Variants in ST6GALNAC5 observed in about 807,000 individuals in gnomAD.
ST6GALNAC5 encodes ST6 N-acetylgalactosaminide alpha-2,6-sialyltransferase 5, also known as alpha-N-acetylgalactosaminide alpha-2,6-sialyltransferase 5.
ST6GALNAC5 carries 27 observed loss-of-function variants against 33.6 expected under a neutral mutation model. That is an observed-to-expected ratio of 0.80 (90% confidence interval 0.59 to 1.11). The LOEUF is 1.11. Among genes scored for constraint, ST6GALNAC5 ranks in the 50% least tolerant of loss-of-function variants. The pLI is 0.00. For synonymous variants in ST6GALNAC5, 194 were observed against 171.2 expected (o/e 1.13, Z -1.04); for missense variants, 428 against 454.0 (o/e 0.94, Z 0.52).
At chr1:76,972,956 A>G (rs1648823088) in intron 2 of ST6GALNAC5, among the ~76,000 whole-genome samples, 1 of 152,032 alleles carries the variant, frequency 6.6e-6, no homozygotes, top group South Asian at 2.1e-4. Context: ...GAGATTGTTC[A>G]TCTCTTTTGC....
intron 3 of ST6GALNAC5, 124 bp from the exon 4 acceptor site, chr1:77,050,134 C>T: frequency 4.2e-6 from 3 of 711,182 alleles, no homozygotes; most frequent in Non-Finnish European, 7.3e-6. Flanking sequence ...AGATATTTAC[C>T]AAATGGAGGA....
In ST6GALNAC5 at chr1:77,033,072, C is replaced by T. The variant is rs536673334; in HGVS notation, c.262-11132C>T. 4.2e-4 allele frequency among the ~76,000 whole-genome samples: 64 copies of T among 152,290 alleles called. 1 individual carries two copies. The South Asian group carries it at 8.7e-3, about 21-fold the overall frequency. On this transcript the variant is annotated intron_variant, in intron 2 of 4. Transcript: ENST00000477717. ...TCTTCCTAGAGGAAGTAATTGCATA[C>T]GAGTGACCTTTGAAGGAAATCACAT...
chr1:76,944,753 A>G (rs561758432), intron 2 of ST6GALNAC5, among the ~76,000 whole-genome samples: 13 of 152,240 alleles, frequency 8.5e-5, no homozygotes, highest in Admixed American at 7.2e-4. Flanking sequence ...TTCTGATTTC[A>G]GCATCCAGCC....
intron 2 of ST6GALNAC5, among the ~76,000 whole-genome samples, chr1:76,886,909 T>A (rs1451163242): frequency 2.0e-5 from 3 of 152,246 alleles, no homozygotes; most frequent in African/African-American, 7.2e-5. Flanking sequence ...CTGAATAATA[T>A]TCCATTGTAT....
Position 77,063,218 on chromosome 1 carries a change from GCCAGACTGTAATC to G in ST6GALNAC5, c.*17_*29del, listed in dbSNP as rs1257619736. On this transcript the variant is annotated 3_prime_UTR_variant, in exon 5 of 5. Coordinates refer to ENST00000477717, the MANE Select transcript of ST6GALNAC5 (RefSeq NM_030965.3). The stretch of plus-strand genomic sequence containing the variant: ...AACCTGTGTTCTAAGGAATGAGCAT[GCCAGACTGTAATC>G]CCAGGTATTCACTGCATCAGACACC... 3 of 1,609,766 alleles carry G rather than the reference GCCAGACTGTAATC, an allele frequency of 1.9e-6. No individual in the cohort carries two copies. The highest frequency in any genetic ancestry group is 1.7e-6 in the Non-Finnish European group (2 of 1,176,500).
chr1:77,013,602 G>A (rs891676764), intron 2 of ST6GALNAC5, among the ~76,000 whole-genome samples: 2 of 152,174 alleles, frequency 1.3e-5, no homozygotes, highest in Admixed American at 6.5e-5. Flanking sequence ...CCAGTGTGAG[G>A]AGAAGCCATC....
chr1:77,034,403 C>T (rs1416919404), intron 2 of ST6GALNAC5, among the ~76,000 whole-genome samples: 1 of 152,162 alleles, frequency 6.6e-6, no homozygotes, highest in Non-Finnish European at 1.5e-5. Flanking sequence ...CTCACCCTGA[C>T]TTACATCTCA....
Position 76,914,953 on chromosome 1 carries a change from G to T in ST6GALNAC5, c.261+46211G>T, listed in dbSNP as rs1434911882. ...TTGCAACCTACTCATCTGACAAAGGGCTAATATCCAGAATCTACAATGAAC... is the reference window on the plus strand; with the variant it reads ...TTGCAACCTACTCATCTGACAAAGGTCTAATATCCAGAATCTACAATGAAC... On this transcript the variant is annotated intron_variant, in intron 2 of 4. Coordinates refer to ENST00000477717, the MANE Select transcript of ST6GALNAC5 (RefSeq NM_030965.3). Among the ~76,000 whole-genome samples the T allele has an allele frequency of 2.0e-5, 3 of 151,112 alleles. No homozygotes were observed. In the East Asian group the frequency reaches 5.8e-4, roughly 29 times the overall value.
At chr1:76,989,768 C>A (rs1649651762) in intron 2 of ST6GALNAC5, among the ~76,000 whole-genome samples, 1 of 152,000 alleles carries the variant, frequency 6.6e-6, no homozygotes, top group Non-Finnish European at 1.5e-5. Flanking sequence ...CTTGCTTCTT[C>A]TTTTTTATGA....
intron 2 of ST6GALNAC5, among the ~76,000 whole-genome samples, chr1:76,990,380 G>T (rs1291679550): frequency 6.6e-6 from 1 of 152,178 alleles, no homozygotes; most frequent in Non-Finnish European, 1.5e-5. Context: ...ATGGTTCTGA[G>T]CATGAACTCA....
chr1:76,953,825 A>G (rs1446901657), intron 2 of ST6GALNAC5, among the ~76,000 whole-genome samples: 1 of 152,008 alleles, frequency 6.6e-6, no homozygotes, highest in Admixed American at 6.6e-5. Context: ...TTAATTTTTC[A>G]TGTGGTGTGA....
intron 2 of ST6GALNAC5, among the ~76,000 whole-genome samples, chr1:76,930,147 C>G (rs1175720385): frequency 6.6e-5 from 10 of 152,144 alleles, no homozygotes; most frequent in African/African-American, 1.9e-4. Flanking sequence ...CTTCCCCCTA[C>G]TCGTTTTGTG....
chr1:76,868,634 G>C lies in ST6GALNAC5; in HGVS notation c.153G>C (p.Ser51=), dbSNP rs748886017. The C allele has an allele frequency of 2.5e-6, 4 of 1,608,596 alleles. No individual in the cohort carries two copies. The highest frequency in any genetic ancestry group is 3.4e-6 in the Non-Finnish European group (4 of 1,177,576). The change falls in exon 2 of 5, where the codon TCG becomes TCC. Residue 51 remains serine, a synonymous_variant. Coordinates refer to ENST00000477717, the MANE Select transcript of ST6GALNAC5 (RefSeq NM_030965.3). This position sits in a 1 kb window ranked among gnomAD's most constrained non-coding sequence, Gnocchi z 4.3. ...AGCAGCAACAGCAGCAGCAGGCGTCGGCCACCGGCAGCTCGCAGCCGGCGG... is the reference window on the plus strand; with the variant it reads ...AGCAGCAACAGCAGCAGCAGGCGTCCGCCACCGGCAGCTCGCAGCCGGCGG... ...QQQQQQQQQA[S]ATGSSQPAAE...
chr1:77,031,449 A>T (rs1447335648), intron 2 of ST6GALNAC5, among the ~76,000 whole-genome samples: 1 of 152,206 alleles, frequency 6.6e-6, no homozygotes, highest in East Asian at 1.9e-4. Context: ...CAACACTGCC[A>T]CAATCTGGTT....
intron 2 of ST6GALNAC5, among the ~76,000 whole-genome samples, chr1:77,005,115 C>A (rs1650344346): frequency 6.6e-6 from 1 of 152,164 alleles, no homozygotes; most frequent in Non-Finnish European, 1.5e-5. Flanking sequence ...GCAGTTTGAT[C>A]TCAGACTGCT....
At chr1:76,962,010 T>A (rs929418524) in intron 2 of ST6GALNAC5, among the ~76,000 whole-genome samples, 3 of 152,182 alleles carry the variant, frequency 2.0e-5, no homozygotes, top group Non-Finnish European at 4.4e-5. Flanking sequence ...AAGTGATTAA[T>A]GTAAAGCAAC....
intron 2 of ST6GALNAC5, among the ~76,000 whole-genome samples, chr1:76,979,548 A>G (rs1042049127): frequency 4.6e-5 from 7 of 152,210 alleles, no homozygotes; most frequent in African/African-American, 1.7e-4. Flanking sequence ...TCTTCAATAA[A>G]TGGTGCTGGG....
chr1:76,921,950 A>G (rs1433442940), intron 2 of ST6GALNAC5, among the ~76,000 whole-genome samples: 3 of 152,210 alleles, frequency 2.0e-5, no homozygotes, highest in African/African-American at 7.2e-5. Context: ...GATCAGAAAC[A>G]ATGAAAGGAC....
intron 2 of ST6GALNAC5, among the ~76,000 whole-genome samples, chr1:76,869,877 C>T (rs1245938694): frequency 1.3e-5 from 2 of 151,122 alleles, no homozygotes; most frequent in Admixed American, 1.3e-4. Context: ...GATGGATAAA[C>T]CAATAGATAA....
Sources: allele counts gnomAD v4.1 joint callset (sites outside exome capture counted in the v4.1 genomes callset), GRCh38; gene constraint gnomAD v4.1.1; non-coding constraint Gnocchi (gnomAD v3.1); transcripts MANE v1.5; gene names NCBI Gene and HGNC (gene_info 2026-07-23, HGNC 2026-07-21).